The following FRRS1L variants were observed in gnomAD, a reference collection of about 807,000 sequenced individuals.
The protein encoded by FRRS1L is DOMON domain-containing protein FRRS1L.
In FRRS1L, 22 loss-of-function variants were observed where a neutral mutation model predicts 28.6. The observed-to-expected ratio is 0.77, with a 90% CI of 0.55 to 1.10. FRRS1L has a LOEUF of 1.10. Ranked by LOEUF, FRRS1L falls within the 50% of genes least tolerant of loss-of-function variation. The pLI, the probability that FRRS1L is intolerant of heterozygous loss-of-function variation, is 0.00. For synonymous variants in FRRS1L, 158 were observed against 151.4 expected (o/e 1.04, Z -0.32); for missense variants, 380 against 386.9 (o/e 0.98, Z 0.15).
intron 1 of FRRS1L, among the ~76,000 whole-genome samples, chr9:109,163,496 T>A (rs1344741657): frequency 1.3e-5 from 2 of 152,148 alleles, no homozygotes; most frequent in African/African-American, 2.4e-5. Context: ...CTTAAGTTTT[T>A]AAAAATGACC....
intron 1 of FRRS1L, among the ~76,000 whole-genome samples, chr9:109,155,487 G>T (rs908800396): frequency 8.5e-5 from 13 of 152,134 alleles, no homozygotes; most frequent in African/African-American, 3.1e-4. Context: ...GCTGAGGCAG[G>T]CAGATCACTT....
rs1831057395 is a variant in FRRS1L at position 109,131,633 on chromosome 9, C to G, written c.*5822G>C. The G allele has an allele frequency of 6.6e-6, 1 of 152,194 alleles. No homozygotes were observed. The highest frequency in any genetic ancestry group is 2.1e-4 in the South Asian group (1 of 4,826). 9.4% of individuals were successfully genotyped at this position (152,194 alleles called of 1,614,324 possible). On this transcript the variant is annotated 3_prime_UTR_variant, in exon 5 of 5. Coordinates refer to ENST00000561981, the MANE Select transcript of FRRS1L (RefSeq NM_014334.4). ...AAGTCAAAACAATTATGGGACATAA[C>G]CCCATTGTAAGTTGTAGGAATGTAT...
intron 1 of FRRS1L, among the ~76,000 whole-genome samples, chr9:109,153,440 T>G (rs562578626): frequency 6.6e-6 from 1 of 152,192 alleles, no homozygotes; most frequent in Admixed American, 6.5e-5. Context: ...AATGTGATAA[T>G]CCCACGAGGA....
chr9:109,161,860 C>T (rs1374743001), intron 1 of FRRS1L, among the ~76,000 whole-genome samples: 9 of 152,250 alleles, frequency 5.9e-5, no homozygotes, highest in Non-Finnish European at 7.4e-5. Flanking sequence ...TTTTCAGGGT[C>T]GTATTATGAA....
chr9:109,146,855 G>A (rs1831268162), intron 3 of FRRS1L, among the ~76,000 whole-genome samples, 196 bp downstream of exon 3: 1 of 152,180 alleles, frequency 6.6e-6, no homozygotes, highest in Non-Finnish European at 1.5e-5. Flanking sequence ...GATGAAAAGA[G>A]GTGCCACAAG....
At chr9:109,165,409 G>A (rs905527780) in intron 1 of FRRS1L, among the ~76,000 whole-genome samples, 13 of 152,206 alleles carry the variant, frequency 8.5e-5, no homozygotes, top group African/African-American at 3.1e-4. Context: ...CAAAGCCTCA[G>A]GGGGATGGCA....
chr9:109,131,081 T>A lies in FRRS1L; in HGVS notation c.*6374A>T, dbSNP rs879354853. The A allele has an allele frequency of 1.3e-5, 2 of 152,334 alleles. No individual in the cohort carries two copies. Among genetic ancestry groups the A allele is most frequent in the Middle Eastern group, 6.8e-3 (2 of 294 alleles). 9.4% of individuals were successfully genotyped at this position (152,334 alleles called of 1,614,324 possible). ...CTATTTTCATGAAGAGGAACTTATATGCAAGTCTTTTATTAAATATAAAAA... is the reference window on the plus strand; with the variant it reads ...CTATTTTCATGAAGAGGAACTTATAAGCAAGTCTTTTATTAAATATAAAAA... On this transcript the variant is annotated 3_prime_UTR_variant, in exon 5 of 5. Transcript: ENST00000561981.
At position 109,147,040 on chromosome 9, in the gene FRRS1L, T is replaced by C; in HGVS notation, c.462+11A>G. 6.2e-7 allele frequency: 1 copy of C among 1,612,800 alleles called. No individual in the cohort carries two copies. The highest frequency in any genetic ancestry group is 8.5e-7 in the Non-Finnish European group (1 of 1,179,006). ...AGAAAAAATCAGCTTCTATCATGTT[T>C]TGCATCTTACCATTTTCTTGTCTGA... is the stretch of plus-strand genomic sequence containing the variant. On this transcript the variant is annotated intron_variant, in intron 3 of 4. Transcript: ENST00000561981.
At chr9:109,159,834 A>G (rs1831458876) in intron 1 of FRRS1L, among the ~76,000 whole-genome samples, 1 of 152,172 alleles carries the variant, frequency 6.6e-6, no homozygotes, top group East Asian at 1.9e-4. Flanking sequence ...TGCAAACATC[A>G]GCTCATCTCT....
At chr9:109,154,547 A>T (rs1009261226) in intron 1 of FRRS1L, among the ~76,000 whole-genome samples, 3 of 152,248 alleles carry the variant, frequency 2.0e-5, no homozygotes, top group African/African-American at 7.2e-5. Context: ...GACAATTCTA[A>T]TGGGAAATTA....
intron 4 of FRRS1L, chr9:109,140,644 C>T (rs1306328666): frequency 6.6e-6 from 1 of 152,002 alleles, no homozygotes; most frequent in Non-Finnish European, 1.5e-5. Flanking sequence ...TAATGAAATG[C>T]TTGGTGTCAA....
At position 109,132,244 on chromosome 9, in the gene FRRS1L, G is replaced by C. The variant is rs1831067048; in HGVS notation, c.*5211C>G. ...CCCACCTCGGCCTCCCGAAGTGCTG[G>C]GATTACAGGCTTGAGCCACCGCGCC... is the stretch of plus-strand genomic sequence containing the variant. On this transcript the variant is annotated 3_prime_UTR_variant, in exon 5 of 5. Coordinates refer to ENST00000561981, the MANE Select transcript of FRRS1L (RefSeq NM_014334.4). 6.6e-6 allele frequency: 1 copy of C among 152,174 alleles called. No homozygotes were observed. Among genetic ancestry groups the C allele is most frequent in the Admixed American group, 6.5e-5 (1 of 15,270 alleles). 9.4% of individuals were successfully genotyped at this position (152,174 alleles called of 1,614,324 possible). A position where few individuals can be genotyped will look rare whatever the true frequency, so the allele number is the denominator to read the frequency against.
intron 3 of FRRS1L, 87 bp from the exon 4 acceptor site, chr9:109,141,676 T>C (rs904827410): frequency 1.4e-6 from 2 of 1,413,074 alleles, no homozygotes; most frequent in African/African-American, 2.9e-5. Context: ...CCATCATCTC[T>C]GCAATTTGAA....
At position 109,137,378 on chromosome 9, in the gene FRRS1L, T is replaced by C; in HGVS notation, c.*77A>G. 1 of 900,112 alleles carries C rather than the reference T, an allele frequency of 1.1e-6. No individual in the cohort carries two copies. The highest frequency in any genetic ancestry group is 1.6e-6 in the Non-Finnish European group (1 of 640,634). The allele number at this position is 900,112 out of a possible 1,614,324, so 55.8% of individuals were successfully genotyped here. A position where few individuals can be genotyped will look rare whatever the true frequency, so the allele number is the denominator to read the frequency against. ...TCTTAAATAATTGAAGCTAAAATTATACTGGATATTCTTTAAAAAATATAT... is the reference window on the plus strand; with the variant it reads ...TCTTAAATAATTGAAGCTAAAATTACACTGGATATTCTTTAAAAAATATAT... On this transcript the variant is annotated 3_prime_UTR_variant, in exon 5 of 5. Coordinates refer to ENST00000561981, the MANE Select transcript of FRRS1L (RefSeq NM_014334.4).
At position 109,141,491 on chromosome 9, in the gene FRRS1L, T is replaced by C. The variant is rs2118468029; in HGVS notation, c.561A>G (p.Arg187=). 8 of 1,614,174 alleles carry C rather than the reference T, an allele frequency of 5.0e-6. No individual in the cohort carries two copies. Among genetic ancestry groups the C allele is most frequent in the Non-Finnish European group, 4.2e-6 (5 of 1,180,026 alleles). ...CTCCTTCTTCATCTCTGGCAGGGTT[T>C]CTCTGAATCTCCTTTGCCCACTGGC... ...NVGQWAKEIQ[R]NPARDEEGVF... Residue 187 remains arginine (R), a synonymous_variant, in exon 4 of 5, where the codon AGA becomes AGG. Coordinates refer to ENST00000561981, the MANE Select transcript of FRRS1L (RefSeq NM_014334.4).
chr9:109,143,391 T>C (rs1056132012), intron 3 of FRRS1L, among the ~76,000 whole-genome samples: 1 of 152,104 alleles, frequency 6.6e-6, no homozygotes, highest in African/African-American at 2.4e-5. Flanking sequence ...ATGTTGATAA[T>C]GGGGGAGGCT....
chr9:109,157,288 G>A (rs1441898529), intron 1 of FRRS1L, among the ~76,000 whole-genome samples: 4 of 152,114 alleles, frequency 2.6e-5, no homozygotes, highest in African/African-American at 4.8e-5. Context: ...TGATTTTAGT[G>A]GATCTTATGT....
At chr9:109,138,785 T>C (rs1223547095) in intron 4 of FRRS1L, 1 of 152,388 alleles carries the variant, frequency 6.6e-6, no homozygotes, top group Admixed American at 6.5e-5. Context: ...AACTTAACTA[T>C]GCGCCTACAG....
At position 109,152,819 on chromosome 9, in the gene FRRS1L, A is replaced by G. The variant is rs1831350246; in HGVS notation, c.239-3099T>C. Among the ~76,000 whole-genome samples, 7 of 119,774 alleles carry G rather than the reference A, an allele frequency of 5.8e-5. No individual in the cohort carries two copies. The South Asian group carries it at 1.8e-3, about 31-fold the overall frequency. The allele number at this position is 119,774 out of a possible 152,430, so 78.6% of individuals were successfully genotyped here. ...ACTCCATCTCAAAAAAAAAAAAAAAAAAAAAAAAAAAAAAAAAAAAAGAAC... is the reference window on the plus strand; with the variant it reads ...ACTCCATCTCAAAAAAAAAAAAAAAGAAAAAAAAAAAAAAAAAAAAAGAAC... On this transcript the variant is annotated intron_variant, in intron 1 of 4. Transcript: ENST00000561981.
Sources: gnomAD v4.1 joint callset for allele counts (sites outside exome capture counted in the v4.1 genomes callset) on GRCh38, gnomAD v4.1.1 for gene constraint, MANE v1.5 for transcripts, NCBI Gene and HGNC (gene_info 2026-07-23, HGNC 2026-07-21) for gene names.